USP36: variants seen among roughly 807,000 people sequenced by gnomAD.
USP36 encodes ubiquitin carboxyl-terminal hydrolase 36.
Under a neutral mutation model 111.5 loss-of-function variants are expected in USP36, and 59 were observed. The ratio of observed to expected loss-of-function variants is 0.53; its 90% CI spans 0.43 to 0.66. The LOEUF is 0.66. Among genes scored for constraint, USP36 ranks in the 30% least tolerant of loss-of-function variants. USP36 has a pLI of 0.00. For synonymous variants in USP36, 628 were observed against 581.0 expected (o/e 1.08, Z -1.16); for missense variants, 1,488 against 1,468.0 (o/e 1.01, Z -0.22).
intron 1 of USP36, among the ~76,000 whole-genome samples, chr17:78,839,740 A>G (rs1008255239): frequency 6.6e-5 from 10 of 152,180 alleles, no homozygotes; most frequent in African/African-American, 2.2e-4. Flanking sequence ...TAACCTAAAC[A>G]ACGCTCGCTC....
intron 3 of USP36, 69 bp from the exon 4 acceptor site, chr17:78,835,570 G>C: frequency 6.9e-7 from 1 of 1,446,104 alleles, no homozygotes; most frequent in Non-Finnish European, 9.4e-7. Flanking sequence ...TCCACAAAAA[G>C]AAACTCCTGA....
At chr17:78,793,003 A>G (rs183125701), downstream of USP36, among the ~76,000 whole-genome samples, 26 of 152,120 alleles carry the variant, frequency 1.7e-4, no homozygotes, top group African/African-American at 4.6e-4. Flanking sequence ...GGTGTGAGCC[A>G]CCGCGCCCGC....
At chr17:78,833,623 C>T (rs1460222210) in intron 4 of USP36, among the ~76,000 whole-genome samples, 1 of 152,174 alleles carries the variant, frequency 6.6e-6, no homozygotes, top group African/African-American at 2.4e-5. Context: ...GGAAGCAAAC[C>T]CTACAGGCCA....
chr17:78,812,951 G>C lies in USP36; in HGVS notation c.1316C>G (p.Ser439Cys), dbSNP rs1027371081. The change falls in exon 13 of 21, where the codon TCC becomes TGC. Residue 439 changes from serine to cysteine, a missense_variant. By Grantham distance (112) the Ser-to-Cys change is moderately radical. Coordinates refer to ENST00000449938, the MANE Select transcript of USP36 (RefSeq NM_001385174.1). ...SPEGLISRTGSSSLPGRPSVI... is the reference protein window; with the variant it reads ...SPEGLISRTGCSSLPGRPSVI... Reference sequence around the variant, plus strand: ...ACTCGGGCGGCCGGGAAGGGAGGAGGAGCCTGTCCTGGAGATGAGGCCCTC... The same window carrying C: ...ACTCGGGCGGCCGGGAAGGGAGGAGCAGCCTGTCCTGGAGATGAGGCCCTC... The C allele has an allele frequency of 2.7e-5, 43 of 1,613,988 alleles. 1 individual carries two copies. Among genetic ancestry groups the C allele is most frequent in the Non-Finnish European group, 3.4e-5 (40 of 1,180,038 alleles).
Position 78,798,270 on chromosome 17 carries a change from C to T in USP36, c.*20+130G>A. The T allele has an allele frequency of 1.6e-6, 2 of 1,262,950 alleles. No homozygotes were observed. Among genetic ancestry groups the T allele is most frequent in the Non-Finnish European group, 2.2e-6 (2 of 924,094 alleles). 78.2% of individuals were successfully genotyped at this position (1,262,950 alleles called of 1,614,324 possible). On this transcript the variant is annotated intron_variant, in intron 20 of 20. Coordinates refer to ENST00000449938, the MANE Select transcript of USP36 (RefSeq NM_001385174.1). The surrounding 1 kb of genome is among the most constrained non-coding windows in gnomAD (Gnocchi z 5.1). ...GACGCGCCCACACCACACACACCAC[C>T]CAACACACATGTGCCAGATACACAG... is the stretch of plus-strand genomic sequence containing the variant.
intron 10 of USP36, among the ~76,000 whole-genome samples, chr17:78,816,190 C>T (rs956630345): frequency 6.6e-6 from 1 of 150,982 alleles, no homozygotes; most frequent in Non-Finnish European, 1.5e-5. Context: ...AACACAGTCT[C>T]GCTCTGTCAC....
chr17:78,790,442 C>A (rs1379494333), intron 3 of USP36, among the ~76,000 whole-genome samples: 1 of 152,170 alleles, frequency 6.6e-6, no homozygotes, highest in African/African-American at 2.4e-5. Context: ...AGGCGTGTGC[C>A]ACGAGGCCCG....
In USP36 at chr17:78,836,286, C is replaced by G. The variant is rs746835177; in HGVS notation, c.78G>C (p.Lys26Asn). The G allele has an allele frequency of 8.1e-6, 13 of 1,614,072 alleles. No individual in the cohort carries two copies. In the Admixed American group the frequency reaches 8.3e-5, roughly 10 times the overall value. Residue 26 changes from lysine to asparagine, a missense_variant, in exon 3 of 21, where the codon AAG (lysine) becomes AAC (asparagine). Coordinates refer to ENST00000449938, the MANE Select transcript of USP36 (RefSeq NM_001385174.1). The stretch of plus-strand genomic sequence containing the variant: ...CCTTCTTGGCAGAGGAGGCAAGAAG[C>G]TTCCCCAGTTCTCCATCATCAGCCG... ...KDSADDGELG[K>N]LLASSAKKVL...
At chr17:78,806,731 A>G (rs145685427) in intron 14 of USP36, among the ~76,000 whole-genome samples, 10 of 152,362 alleles carry the variant, frequency 6.6e-5, no homozygotes, top group Non-Finnish European at 1.5e-4. Flanking sequence ...TCCATGAGTC[A>G]CATGAGCATC....
At chr17:78,801,612 T>G (rs1567910083) in intron 17 of USP36, among the ~76,000 whole-genome samples, 1 of 152,088 alleles carries the variant, frequency 6.6e-6, no homozygotes, top group African/African-American at 2.4e-5. Flanking sequence ...ACCCTCCGAT[T>G]GAGGGGTGGT....
chr17:78,824,126 T>G (rs1354946844), intron 6 of USP36, among the ~76,000 whole-genome samples: 1 of 152,120 alleles, frequency 6.6e-6, no homozygotes, highest in African/African-American at 2.4e-5. Flanking sequence ...GAGGAACTTA[T>G]GAGAGGCCGG....
intron 4 of USP36, 69 bp downstream of exon 4, chr17:78,835,211 C>T: frequency 6.6e-7 from 1 of 1,504,508 alleles, no homozygotes; most frequent in South Asian, 1.2e-5. Context: ...AGCAGCAGTG[C>T]CACAAGTGCA....
chr17:78,799,086 C>A, intron 18 of USP36, 63 bp from the exon 19 acceptor site: 2 of 1,496,152 alleles, frequency 1.3e-6, no homozygotes. Flanking sequence ...GGCTTCACTT[C>A]AAGAGTGTCA....
At chr17:78,818,961 C>T in intron 9 of USP36, 183 bp from the exon 10 acceptor site, 1 of 565,266 alleles carries the variant, frequency 1.8e-6, no homozygotes. Context: ...AGGAAAGCTA[C>T]CACAGGGAAA....
chr17:78,837,540 G>C (rs936182259), intron 2 of USP36, among the ~76,000 whole-genome samples: 1 of 152,094 alleles, frequency 6.6e-6, no homozygotes, highest in Non-Finnish European at 1.5e-5. Flanking sequence ...CCTAACAGAG[G>C]ATCGATACTG....
In USP36 at chr17:78,803,538, C is replaced by A; in HGVS notation, c.2657G>T (p.Arg886Ile). Residue 886 changes from arginine (R) to isoleucine (I), a missense_variant, in exon 16 of 21, where the codon AGA becomes ATA. By Grantham distance (97) the Arg-to-Ile change is moderately conservative. Coordinates refer to ENST00000449938, the MANE Select transcript of USP36 (RefSeq NM_001385174.1). This position sits in a 1 kb window ranked among gnomAD's most constrained non-coding sequence, Gnocchi z 4.6. ...TGGCTGTGTGCCATCTTCCTGCCGT[C>A]TGACAGCGGGCAGCTGTGCCTGGCC... ...REGQAQLPAVRRQEDGTQPQV... is the reference protein window; with the variant it reads ...REGQAQLPAVIRQEDGTQPQV... 6.2e-7 allele frequency: 1 copy of A among 1,613,774 alleles called. No individual in the cohort carries two copies. The highest frequency in any genetic ancestry group is 2.2e-5 in the East Asian group (1 of 44,876).
At chr17:78,793,027 C>G (rs151110666), downstream of USP36, among the ~76,000 whole-genome samples, 146 of 151,994 alleles carry the variant, frequency 9.6e-4, no homozygotes, top group African/African-American at 3.4e-3. Context: ...CCTCACCCCC[C>G]CAGGAAGGCT....
intron 6 of USP36, among the ~76,000 whole-genome samples, chr17:78,824,460 C>G (rs1259114399): frequency 6.6e-6 from 1 of 152,058 alleles, no homozygotes; most frequent in Non-Finnish European, 1.5e-5. Context: ...AGGAGGATTG[C>G]TTGAGTCCAG....
rs573258267 is a variant in USP36, at chr17:78,831,942, CAAAAAAAAAA to C, written c.476-2945_476-2936del. 7.4e-4 allele frequency among the ~76,000 whole-genome samples: 57 copies of C among 77,270 alleles called. 1 individual carries two copies. Among genetic ancestry groups the C allele is most frequent in the African/African-American group, 3.1e-3 (55 of 17,884 alleles). The allele number at this position is 77,270 out of a possible 152,430, so 50.7% of individuals were successfully genotyped here. ...TGCGTGACAGAGTGAGAGCTTGTCTCAAAAAAAAAAAAAAAAAAAAGCTTCTTTCAGCCTA... is the reference window on the plus strand; with the variant it reads ...TGCGTGACAGAGTGAGAGCTTGTCTCAAAAAAAAAAGCTTCTTTCAGCCTA... On this transcript the variant is annotated intron_variant, in intron 4 of 20. Coordinates refer to ENST00000449938, the MANE Select transcript of USP36 (RefSeq NM_001385174.1).
Sources: gnomAD v4.1 joint callset for allele counts (sites outside exome capture counted in the v4.1 genomes callset) on GRCh38, gnomAD v4.1.1 for gene constraint, Gnocchi (gnomAD v3.1) non-coding constraint, MANE v1.5 for transcripts, NCBI Gene and HGNC (gene_info 2026-07-23, HGNC 2026-07-21) for gene names.